Variants in ANKRD44 observed in about 807,000 individuals in gnomAD.
ANKRD44 encodes serine/threonine-protein phosphatase 6 regulatory ankyrin repeat subunit B.
In ANKRD44, 35 loss-of-function variants were observed where a neutral mutation model predicts 116.0. The observed-to-expected ratio is 0.30, with a 90% CI of 0.23 to 0.40. The LOEUF is 0.40. ANKRD44 is among the 10% of genes least tolerant of loss of function. The pLI is 1.00. For missense variants in ANKRD44, 1,014 were observed against 1,242.6 expected, an observed-to-expected ratio of 0.82 and a Z score of 2.77; for synonymous variants, 435 against 461.8, an observed-to-expected ratio of 0.94 and a Z score of 0.74.
intron 10 of ANKRD44, among the ~76,000 whole-genome samples, chr2:197,092,272 C>T (rs1295834273): frequency 6.6e-6 from 1 of 152,232 alleles, no homozygotes; most frequent in Admixed American, 6.5e-5. Flanking sequence ...TTACACCCTA[C>T]AGCATTAATT....
chr2:197,005,731 G>T lies in ANKRD44; in HGVS notation c.2310C>A (p.Asn770Lys), dbSNP rs751123531. 1 of 1,614,232 alleles carries T rather than the reference G, an allele frequency of 6.2e-7. No homozygotes were observed. Among genetic ancestry groups the T allele is most frequent in the Non-Finnish European group, 8.5e-7 (1 of 1,180,038 alleles). Reference sequence around the variant, plus strand: ...CCCAGTGCAGCGGCGTGTAGCCTTGGTTATCTTTGAAACAACAGTCCTCCT... The same window carrying T: ...CCCAGTGCAGCGGCGTGTAGCCTTGTTTATCTTTGAAACAACAGTCCTCCT... ...LSEEDCCFKD[N>K]QGYTPLHWAC... The change falls in exon 21 of 28, where the codon AAC becomes AAA. Residue 770 changes from asparagine (N) to lysine (K), a missense_variant. Coordinates refer to ENST00000282272, the MANE Select transcript of ANKRD44 (RefSeq NM_001195144.2).
chr2:197,278,397 C>T (rs1359185684), intron 1 of ANKRD44, among the ~76,000 whole-genome samples: 1 of 151,644 alleles, frequency 6.6e-6, no homozygotes, highest in Non-Finnish European at 1.5e-5. Flanking sequence ...TGCTCTGTCG[C>T]CCAGGCTGGA....
At chr2:197,099,027 C>A (rs1574453137) in intron 10 of ANKRD44, among the ~76,000 whole-genome samples, 1 of 152,096 alleles carries the variant, frequency 6.6e-6, no homozygotes, top group East Asian at 1.9e-4. Context: ...CGCTTTCCTC[C>A]CTGCTTGGGA....
At chr2:197,307,173 T>G (rs746155765) in intron 1 of ANKRD44, among the ~76,000 whole-genome samples, 13 of 152,240 alleles carry the variant, frequency 8.5e-5, no homozygotes, top group Non-Finnish European at 1.3e-4. Context: ...GCCTTAGATC[T>G]GTATTTAACA....
Position 197,029,385 on chromosome 2 carries a change from T to A in ANKRD44, c.1651-4118A>T, listed in dbSNP as rs77303926. The A allele has an allele frequency of 7.8e-3, 2,168 of 276,916 alleles. 14 individuals carry two copies. Among genetic ancestry groups the A allele is most frequent in the Non-Finnish European group, 9.6e-3 (1,389 of 144,096 alleles). 17.2% of individuals were successfully genotyped at this position (276,916 alleles called of 1,614,324 possible). ...GGACTCTGCAATGAATCTGCTTGCC[T>A]GCTGCTTGAAGGGCTCTTTGGAGCT... On this transcript the variant is annotated intron_variant, in intron 16 of 27. Transcript: ENST00000282272.
intron 8 of ANKRD44, among the ~76,000 whole-genome samples, chr2:197,113,776 A>G (rs2078645824): frequency 6.6e-6 from 1 of 152,238 alleles, no homozygotes; most frequent in Non-Finnish European, 1.5e-5. Flanking sequence ...GGTAAAATGC[A>G]AAGAACAGCC....
intron 3 of ANKRD44, among the ~76,000 whole-genome samples, chr2:197,141,448 T>A (rs777158277): frequency 2.3e-4 from 35 of 152,298 alleles, no homozygotes; most frequent in Non-Finnish European, 4.4e-4. Context: ...TTATACCGCA[T>A]TCTGAAAATT....
intron 8 of ANKRD44, among the ~76,000 whole-genome samples, chr2:197,112,702 C>A (rs1223683937): frequency 8.0e-6 from 1 of 125,772 alleles, no homozygotes; most frequent in Non-Finnish European, 1.7e-5. Flanking sequence ...AGCGAGACTC[C>A]GTCTCAAAAA....
chr2:197,025,152 G>A, intron 17 of ANKRD44, 44 bp downstream of exon 17: 2 of 1,565,084 alleles, frequency 1.3e-6, no homozygotes, highest in African/African-American at 1.3e-5. Flanking sequence ...GAATGCTTAG[G>A]TTGTTTTTGT....
At chr2:197,276,144 A>C (rs2083075120) in intron 1 of ANKRD44, among the ~76,000 whole-genome samples, 1 of 151,930 alleles carries the variant, frequency 6.6e-6, no homozygotes, top group South Asian at 2.1e-4. Flanking sequence ...GCATGGTGGC[A>C]CGCACCTGTA....
chr2:197,175,559 A>G (rs1215666513), intron 2 of ANKRD44, among the ~76,000 whole-genome samples: 2 of 152,042 alleles, frequency 1.3e-5, no homozygotes, highest in Non-Finnish European at 2.9e-5. Flanking sequence ...TACTAGTGTC[A>G]CCCTTCTCCC....
At chr2:197,097,130 A>G (rs146691101) in intron 10 of ANKRD44, among the ~76,000 whole-genome samples, 5 of 152,348 alleles carry the variant, frequency 3.3e-5, no homozygotes, top group African/African-American at 1.2e-4. Flanking sequence ...TGAAAGCAAA[A>G]TAATTACATG....
chr2:197,114,693 T>C (rs1005064916), intron 8 of ANKRD44, among the ~76,000 whole-genome samples: 9 of 152,174 alleles, frequency 5.9e-5, no homozygotes, highest in Admixed American at 5.2e-4. Context: ...GGTACACCCC[T>C]GGGGTCACAG....
chr2:196,995,201 C>G (rs1224202906), intron 26 of ANKRD44, 178 bp downstream of exon 26: 1 of 382,804 alleles, frequency 2.6e-6, no homozygotes, highest in Admixed American at 4.5e-5. Context: ...ACTAAAACTG[C>G]CCAGCTTGGT....
At chr2:197,066,902 A>G (rs2077445288) in intron 16 of ANKRD44, among the ~76,000 whole-genome samples, 1 of 152,210 alleles carries the variant, frequency 6.6e-6, no homozygotes, top group Admixed American at 6.5e-5. Flanking sequence ...CAAGCTACCA[A>G]TGACTTTCTT....
intron 2 of ANKRD44, among the ~76,000 whole-genome samples, chr2:197,149,906 G>A (rs984767712): frequency 2.6e-5 from 4 of 152,216 alleles, no homozygotes; most frequent in Non-Finnish European, 5.9e-5. Context: ...GAAGGAGGGC[G>A]AAGGTTCTGG....
chr2:197,289,578 G>A (rs889945558), intron 1 of ANKRD44, among the ~76,000 whole-genome samples: 1 of 152,118 alleles, frequency 6.6e-6, no homozygotes, highest in African/African-American at 2.4e-5. Flanking sequence ...AAACATGAAC[G>A]AATCTCAAAA....
At chr2:197,004,178 T>C (rs1026207012) in intron 21 of ANKRD44, among the ~76,000 whole-genome samples, 1 of 152,180 alleles carries the variant, frequency 6.6e-6, no homozygotes, top group African/African-American at 2.4e-5. Context: ...ATACAAAATC[T>C]GATAGGATCT....
intron 1 of ANKRD44, chr2:197,263,572 T>C: frequency 7.5e-6 from 2 of 267,684 alleles, no homozygotes; most frequent in South Asian, 6.6e-5. Flanking sequence ...CTTTCTCCCA[T>C]GTCTTGTCAG....
Sources: gnomAD v4.1 joint callset for allele counts (sites outside exome capture counted in the v4.1 genomes callset) on GRCh38, gnomAD v4.1.1 for gene constraint, MANE v1.5 for transcripts, NCBI Gene and HGNC (gene_info 2026-07-23, HGNC 2026-07-21) for gene names.